NEURL1B: variants seen among roughly 807,000 people sequenced by gnomAD.
NEURL1B encodes neuralized E3 ubiquitin protein ligase 1B.
A neutral mutation model predicts 37.4 loss-of-function variants in NEURL1B; 13 were observed. The observed-to-expected ratio is 0.35, with a 90% CI of 0.23 to 0.55. NEURL1B has a LOEUF of 0.55. Ranked by LOEUF, NEURL1B falls within the 20% of genes least tolerant of loss-of-function variation. The pLI is 0.89. For synonymous variants in NEURL1B, 432 were observed against 426.6 expected, an observed-to-expected ratio of 1.01 and a Z score of -0.16; for missense variants, 790 against 879.2, an observed-to-expected ratio of 0.90 and a Z score of 1.28.
rs753434878 is a variant in NEURL1B, at chr5:172,676,073, C to CG, written c.577+5748dup. 1.5e-4 allele frequency among the ~76,000 whole-genome samples: 23 copies of CG among 150,326 alleles called. No individual in the cohort carries two copies. Among genetic ancestry groups the CG allele is most frequent in the Non-Finnish European group, 2.2e-4 (15 of 67,826 alleles). ...GTCAGATTGAAAAAGCAATGCCAGT[C>CG]GGGGGTCATGGCATAGCAGACCATA... On this transcript the variant is annotated intron_variant, in intron 2 of 4. Coordinates refer to ENST00000369800, the MANE Select transcript of NEURL1B (RefSeq NM_001142651.3). The surrounding 1 kb of genome is among the most constrained non-coding windows in gnomAD (Gnocchi z 4.5).
Position 172,683,371 on chromosome 5 carries a change from C to G in NEURL1B, c.578-48C>G. 1 of 1,274,862 alleles carries G rather than the reference C, an allele frequency of 7.8e-7. No homozygotes were observed. Among genetic ancestry groups the G allele is most frequent in the Non-Finnish European group, 9.9e-7 (1 of 1,006,940 alleles). 79.0% of individuals were successfully genotyped at this position (1,274,862 alleles called of 1,614,324 possible). The stretch of plus-strand genomic sequence containing the variant: ...GGGCGAGGAGGGGCTCGCGACCAGC[C>G]TGACGCGCGGCCTCTCCCCCTCCAT... On this transcript the variant is annotated intron_variant, in intron 2 of 4. Coordinates refer to ENST00000369800, the MANE Select transcript of NEURL1B (RefSeq NM_001142651.3). This position sits in a 1 kb window ranked among gnomAD's most constrained non-coding sequence, Gnocchi z 5.6.
rs1757903533 is a variant in NEURL1B, at chr5:172,661,583, C to T, written c.32-8202C>T. Among the ~76,000 whole-genome samples, 1 of 152,260 alleles carries T rather than the reference C, an allele frequency of 6.6e-6. No homozygotes were observed. The highest frequency in any genetic ancestry group is 2.4e-5 in the African/African-American group (1 of 41,466). On this transcript the variant is annotated intron_variant, in intron 1 of 4. Coordinates refer to ENST00000369800, the MANE Select transcript of NEURL1B (RefSeq NM_001142651.3). The surrounding 1 kb of genome is among the most constrained non-coding windows in gnomAD (Gnocchi z 4.0). ...AATAAACCAAGACATGTACCCACTA[C>T]ATAGCAGAGGCCCAGTGAAACTCCA...
Position 172,670,346 on chromosome 5 carries a change from G to A in NEURL1B, c.577+16G>A. 1.5e-6 allele frequency: 2 copies of A among 1,346,768 alleles called. No homozygotes were observed. The highest frequency in any genetic ancestry group is 1.9e-6 in the Non-Finnish European group (2 of 1,052,732). 83.4% of individuals were successfully genotyped at this position (1,346,768 alleles called of 1,614,324 possible). A position where few individuals can be genotyped will look rare whatever the true frequency, so the allele number is the denominator to read the frequency against. ...CAGCTTCTGGGTAGGTCGCGGGCGC[G>A]GCGCCCCCTGGGGACCTGGCAGCGG... On this transcript the variant is annotated intron_variant, in intron 2 of 4. Transcript: ENST00000369800.
chr5:172,658,154 C>T (rs567751301), intron 1 of NEURL1B, among the ~76,000 whole-genome samples: 69 of 152,232 alleles, frequency 4.5e-4, no homozygotes, highest in African/African-American at 1.5e-3. Context: ...CCGGTCTCCA[C>T]GTCTTGGTGG....
chr5:172,660,449 C>T (rs1247409664), intron 1 of NEURL1B, among the ~76,000 whole-genome samples: 1 of 152,032 alleles, frequency 6.6e-6, no homozygotes, highest in East Asian at 1.9e-4. Flanking sequence ...CAGCTGTTGA[C>T]GGGGTTTTGT....
At chr5:172,653,503 G>C (rs572694490) in intron 1 of NEURL1B, among the ~76,000 whole-genome samples, 13 of 152,074 alleles carry the variant, frequency 8.5e-5, no homozygotes, top group Non-Finnish European at 1.9e-4. Flanking sequence ...TAAAGAGCAG[G>C]TTAGTGCTTT....
At chr5:172,669,571 A>C (rs938745413) in intron 1 of NEURL1B, among the ~76,000 whole-genome samples, 1 of 152,216 alleles carries the variant, frequency 6.6e-6, no homozygotes, top group South Asian at 2.1e-4. Context: ...TGGTTCGCTT[A>C]TCTGTGGCAC....
chr5:172,667,105 TTACCACCACTCTGC>T (rs1483610235), intron 1 of NEURL1B, among the ~76,000 whole-genome samples: 2 of 151,800 alleles, frequency 1.3e-5, no homozygotes, highest in African/African-American at 2.4e-5. Flanking sequence ...TACCCTGTCC[TTACCACCACTCTGC>T]TTCCCATTCA....
chr5:172,667,917 T>C (rs1009980398), intron 1 of NEURL1B, among the ~76,000 whole-genome samples: 4 of 137,498 alleles, frequency 2.9e-5, no homozygotes, highest in African/African-American at 1.1e-4. Context: ...GCTAACTGGC[T>C]TCCTTGTCAT....
chr5:172,683,752 C>T lies in NEURL1B; in HGVS notation c.911C>T (p.Pro304Leu). The T allele has an allele frequency of 1.5e-6, 2 of 1,313,036 alleles. No individual in the cohort carries two copies. The highest frequency in any genetic ancestry group is 1.7e-5 in the South Asian group (1 of 57,874). The allele number at this position is 1,313,036 out of a possible 1,614,324, so 81.3% of individuals were successfully genotyped here. Reference sequence around the variant, plus strand: ...CGCAAAGTGGCCTGCGCACCGCGGCCCGACGGCGGCCGCACGCTGGTCTTC... The same window carrying T: ...CGCAAAGTGGCCTGCGCACCGCGGCTCGACGGCGGCCGCACGCTGGTCTTC... ...ADRKVACAPR[P>L]DGGRTLVFSE... The change falls in exon 3 of 5, where the codon CCC becomes CTC. Residue 304 changes from proline (P) to leucine (L), a missense_variant. By Grantham distance (98) the Pro-to-Leu change is moderately conservative. Coordinates refer to ENST00000369800, the MANE Select transcript of NEURL1B (RefSeq NM_001142651.3). The surrounding 1 kb of genome is among the most constrained non-coding windows in gnomAD (Gnocchi z 5.6).
rs146807430 is a variant in NEURL1B at position 172,680,419 on chromosome 5, CG to C, written c.578-2993del. On this transcript the variant is annotated intron_variant, in intron 2 of 4. Coordinates refer to ENST00000369800, the MANE Select transcript of NEURL1B (RefSeq NM_001142651.3). The stretch of plus-strand genomic sequence containing the variant: ...TGGGGGACAAGAGGAGGAGAGTTGG[CG>C]GGGGGGAAGGAGCAGGGCAAGTAAG... 2.7e-4 allele frequency among the ~76,000 whole-genome samples: 40 copies of C among 149,948 alleles called. No individual in the cohort carries two copies. In the Middle Eastern group the frequency reaches 0.014, roughly 51 times the overall value.
chr5:172,688,214 G>C lies in NEURL1B; in HGVS notation c.*1289G>C, dbSNP rs1313326980. 1 of 153,006 alleles carries C rather than the reference G, an allele frequency of 6.5e-6. No individual in the cohort carries two copies. The highest frequency in any genetic ancestry group is 1.5e-5 in the Non-Finnish European group (1 of 68,330). The allele number at this position is 153,006 out of a possible 1,614,324, so 9.5% of individuals were successfully genotyped here. A position where few individuals can be genotyped will look rare whatever the true frequency, so the allele number is the denominator to read the frequency against. ...GCCTGTCCCTCCCTTCTTGCCCCCA[G>C]TTCTGGGCTCCACCTCTGCCCTCTT... is the stretch of plus-strand genomic sequence containing the variant. On this transcript the variant is annotated 3_prime_UTR_variant, in exon 5 of 5. Transcript: ENST00000369800. The surrounding 1 kb of genome is among the most constrained non-coding windows in gnomAD (Gnocchi z 4.3).
intron 2 of NEURL1B, among the ~76,000 whole-genome samples, chr5:172,678,694 G>A (rs1758287603): frequency 6.6e-6 from 1 of 152,224 alleles, no homozygotes; most frequent in Non-Finnish European, 1.5e-5. Context: ...GTAACCCGGT[G>A]TCATTCTCGA....
intron 2 of NEURL1B, among the ~76,000 whole-genome samples, chr5:172,679,423 G>A (rs1758302268): frequency 1.3e-5 from 2 of 152,242 alleles, no homozygotes; most frequent in Non-Finnish European, 2.9e-5. Context: ...TTCAGCCACC[G>A]GTAGAAGCTG....
intron 2 of NEURL1B, among the ~76,000 whole-genome samples, chr5:172,672,907 A>G (rs1046631092): frequency 1.5e-4 from 23 of 152,328 alleles, no homozygotes; most frequent in Non-Finnish European, 2.9e-4. Flanking sequence ...AAAAATACAT[A>G]TATGGAAAGA....
chr5:172,663,539 A>AAAAG (rs1757944720), intron 1 of NEURL1B, among the ~76,000 whole-genome samples: 1 of 143,312 alleles, frequency 7.0e-6, no homozygotes, highest in Non-Finnish European at 1.5e-5. Context: ...AAAAAAAAAA[A>AAAAG]AAAGCCATGG....
At position 172,657,073 on chromosome 5, in the gene NEURL1B, TG is replaced by T. The variant is rs2113278146; in HGVS notation, c.32-12710del. Among the ~76,000 whole-genome samples the T allele has an allele frequency of 6.6e-6, 1 of 152,374 alleles. No homozygotes were observed. Among genetic ancestry groups the T allele is most frequent in the African/African-American group, 2.4e-5 (1 of 41,592 alleles). Reference sequence around the variant, plus strand: ...CCCTCACGTCCCCATGATGGATGACTGGTTGGCTAGGGAAGCAATTCTGCAT... The same window carrying T: ...CCCTCACGTCCCCATGATGGATGACTGTTGGCTAGGGAAGCAATTCTGCAT... On this transcript the variant is annotated intron_variant, in intron 1 of 4. Coordinates refer to ENST00000369800, the MANE Select transcript of NEURL1B (RefSeq NM_001142651.3). This position sits in a 1 kb window ranked among gnomAD's most constrained non-coding sequence, Gnocchi z 4.0.
At chr5:172,667,569 C>T (rs954503717) in intron 1 of NEURL1B, among the ~76,000 whole-genome samples, 2 of 151,678 alleles carry the variant, frequency 1.3e-5, no homozygotes, top group Non-Finnish European at 2.9e-5. Context: ...TGAATGAAAA[C>T]CTTCAAATCT....
chr5:172,641,380 G>A lies in NEURL1B; in HGVS notation c.-27G>A, dbSNP rs1757455601. On this transcript the variant is annotated 5_prime_UTR_variant, in exon 1 of 5. Coordinates refer to ENST00000369800, the MANE Select transcript of NEURL1B (RefSeq NM_001142651.3). This position sits in a 1 kb window ranked among gnomAD's most constrained non-coding sequence, Gnocchi z 6.4. ...AGCCTCCGCGCGCCCAGAGCGCGCCGCCGCCAACGCCGCGCCCGACGCAGC... is the reference window on the plus strand; with the variant it reads ...AGCCTCCGCGCGCCCAGAGCGCGCCACCGCCAACGCCGCGCCCGACGCAGC... The A allele has an allele frequency of 2.2e-6, 3 of 1,384,706 alleles. No homozygotes were observed. The highest frequency in any genetic ancestry group is 2.8e-6 in the Non-Finnish European group (3 of 1,069,524). 85.8% of individuals were successfully genotyped at this position (1,384,706 alleles called of 1,614,324 possible).
Sources: gnomAD v4.1 joint callset for allele counts (sites outside exome capture counted in the v4.1 genomes callset) on GRCh38, gnomAD v4.1.1 for gene constraint, Gnocchi (gnomAD v3.1) non-coding constraint, MANE v1.5 for transcripts, NCBI Gene and HGNC (gene_info 2026-07-23, HGNC 2026-07-21) for gene names.